Variants in ICA1 observed in about 807,000 individuals in gnomAD.
ICA1 encodes 69 kDa islet cell autoantigen.
In ICA1, 40 loss-of-function variants were observed where a neutral mutation model predicts 71.0. The observed-to-expected ratio is 0.56, with a 90% CI of 0.44 to 0.73. The LOEUF is 0.73. ICA1 is among the 30% of genes least tolerant of loss of function. ICA1 has a pLI of 0.00. For missense variants in ICA1, 578 were observed against 576.5 expected, an observed-to-expected ratio of 1.00 and a Z score of -0.03; for synonymous variants, 207 against 209.5, an observed-to-expected ratio of 0.99 and a Z score of 0.10.
intron 6 of ICA1, among the ~76,000 whole-genome samples, chr7:8,206,506 C>T (rs1583227715): frequency 6.6e-6 from 1 of 152,226 alleles, no homozygotes; most frequent in African/African-American, 2.4e-5. Context: ...TCTCCCTTTT[C>T]TTCTGTTCTT....
At chr7:8,126,307 T>A (rs1009237501) in intron 13 of ICA1, among the ~76,000 whole-genome samples, 12 of 152,160 alleles carry the variant, frequency 7.9e-5, no homozygotes, top group Admixed American at 7.9e-4. Context: ...TCTCAGGGCT[T>A]CTTAGCACCT....
At position 8,174,529 on chromosome 7, in the gene ICA1, C is replaced by T. The variant is rs202205862; in HGVS notation, c.580-15877G>A. 2.6e-5 allele frequency among the ~76,000 whole-genome samples: 4 copies of T among 151,884 alleles called. No individual in the cohort carries two copies. The East Asian group carries it at 7.7e-4, about 29-fold the overall frequency. On this transcript the variant is annotated intron_variant, in intron 6 of 13. Coordinates refer to ENST00000402384, the MANE Select transcript of ICA1 (RefSeq NM_001136020.3). ...AAAATGAAAGCTGGGCGTGGTGGTT[C>T]ACGCCTGTAATCCCAGCACTTTGGG...
At chr7:8,258,756 A>G (rs995090550) in intron 1 of ICA1, among the ~76,000 whole-genome samples, 2 of 152,222 alleles carry the variant, frequency 1.3e-5, no homozygotes, top group South Asian at 4.1e-4. Flanking sequence ...AACAAAAACT[A>G]TGTTAATTTG....
At chr7:8,207,582 T>A (rs1205134013) in intron 6 of ICA1, among the ~76,000 whole-genome samples, 1 of 152,250 alleles carries the variant, frequency 6.6e-6, no homozygotes, top group Non-Finnish European at 1.5e-5. Context: ...TTTAAGGTTT[T>A]CTTTTTATCA....
At chr7:8,145,237 T>C (rs1796475006) in intron 8 of ICA1, among the ~76,000 whole-genome samples, 1 of 152,160 alleles carries the variant, frequency 6.6e-6, no homozygotes, top group Admixed American at 6.5e-5. Context: ...AATATCAACC[T>C]CTCTGACCAA....
At chr7:8,230,274 C>G (rs1404468844) in intron 3 of ICA1, among the ~76,000 whole-genome samples, 6 of 152,222 alleles carry the variant, frequency 3.9e-5, no homozygotes, top group Non-Finnish European at 8.8e-5. Flanking sequence ...TCTATATTAA[C>G]TTTCCAACAG....
Position 8,218,399 on chromosome 7 carries a change from C to T in ICA1, c.485G>A (p.Cys162Tyr). 1.2e-6 allele frequency: 2 copies of T among 1,614,158 alleles called. No individual in the cohort carries two copies. The highest frequency in any genetic ancestry group is 1.7e-6 in the Non-Finnish European group (2 of 1,180,000). ...TWLTVNRMEQ[C>Y]RTEYRGALLW... ...TAGTGCTCCTCTATATTCCGTCCTG[C>T]ACTGTTCCATGCGGTTCACCGTCAG... Residue 162 changes from cysteine to tyrosine, a missense_variant, in exon 6 of 14, where the codon TGC becomes TAC. Cys to Tyr is a radical substitution (Grantham distance 194). Coordinates refer to ENST00000402384, the MANE Select transcript of ICA1 (RefSeq NM_001136020.3).
chr7:8,184,940 G>C (rs1287987201), intron 6 of ICA1, among the ~76,000 whole-genome samples: 1 of 152,116 alleles, frequency 6.6e-6, no homozygotes, highest in Non-Finnish European at 1.5e-5. Flanking sequence ...TAGGCTTGGT[G>C]GCGTGCGCCT....
At chr7:8,220,654 A>T (rs919131591) in intron 5 of ICA1, among the ~76,000 whole-genome samples, 1 of 122,838 alleles carries the variant, frequency 8.1e-6, no homozygotes, top group Admixed American at 9.2e-5. Flanking sequence ...GGTTGTGTTA[A>T]AAAAAAATGC....
At chr7:8,204,292 G>A (rs1435640329) in intron 6 of ICA1, among the ~76,000 whole-genome samples, 1 of 152,200 alleles carries the variant, frequency 6.6e-6, no homozygotes, top group East Asian at 1.9e-4. Flanking sequence ...AAGCCGAGAA[G>A]AGCACTGACT....
chr7:8,169,299 A>G (rs10085428), intron 6 of ICA1, among the ~76,000 whole-genome samples: 62,262 of 151,866 alleles, frequency 0.41, 17,343 homozygotes, highest in African/African-American at 0.8. Flanking sequence ...ATTTTTGGTG[A>G]TTTTGAGTAA....
rs1184992239 is a variant in ICA1 at position 8,221,382 on chromosome 7, T to C, written c.273A>G (p.Glu91=). Residue 91 remains glutamate, a synonymous_variant, in exon 5 of 14, where the codon GAA becomes GAG. Transcript: ENST00000402384. ...QKRICFLSQE[E]NELGKFLRSQ... is the part of the protein sequence containing the mutation. ...ATCGAAGAAATTTTCCCAGTTCGTT[T>C]TCTTCTTGAGACAAGACTGATGAAG... The C allele has an allele frequency of 1.2e-6, 2 of 1,613,576 alleles. No homozygotes were observed. The highest frequency in any genetic ancestry group is 1.7e-6 in the Non-Finnish European group (2 of 1,179,600).
chr7:8,120,899 A>G (rs973315943), intron 13 of ICA1, among the ~76,000 whole-genome samples: 3 of 152,128 alleles, frequency 2.0e-5, no homozygotes, highest in South Asian at 2.1e-4. Flanking sequence ...CGGGGCTGGG[A>G]GGGGATCACA....
intron 12 of ICA1, among the ~76,000 whole-genome samples, chr7:8,129,797 C>T (rs1300806040): frequency 6.6e-6 from 1 of 151,866 alleles, no homozygotes; most frequent in East Asian, 1.9e-4. Context: ...TGGTGTGTTG[C>T]ACCCATTAAC....
At chr7:8,206,019 G>A (rs921843000) in intron 6 of ICA1, among the ~76,000 whole-genome samples, 8 of 151,506 alleles carry the variant, frequency 5.3e-5, no homozygotes, top group Non-Finnish European at 1.2e-4. Flanking sequence ...CTCCCCCTTC[G>A]TTCTTTTTTG....
chr7:8,240,275 G>A (rs887927929), intron 1 of ICA1, among the ~76,000 whole-genome samples: 13 of 146,712 alleles, frequency 8.9e-5, no homozygotes, highest in African/African-American at 3.1e-4. Flanking sequence ...CAGGCAAACA[G>A]AGTCTGGAGT....
At chr7:8,159,769 C>T (rs1218744705) in intron 6 of ICA1, among the ~76,000 whole-genome samples, 1 of 152,066 alleles carries the variant, frequency 6.6e-6, no homozygotes, top group East Asian at 1.9e-4. Context: ...TAAAATTACA[C>T]CCTCCTTCAA....
At chr7:8,225,920 C>T (rs1464878698) in intron 4 of ICA1, among the ~76,000 whole-genome samples, 1 of 152,162 alleles carries the variant, frequency 6.6e-6, no homozygotes, top group Non-Finnish European at 1.5e-5. Context: ...AACAAATTTA[C>T]CAATGAGAGT....
chr7:8,247,720 A>G (rs1806580356), intron 1 of ICA1, among the ~76,000 whole-genome samples: 2 of 152,190 alleles, frequency 1.3e-5, no homozygotes, highest in African/African-American at 4.8e-5. Context: ...ATTCCACATA[A>G]GCTGGCTTCC....
Sources: gnomAD v4.1 joint callset for allele counts (sites outside exome capture counted in the v4.1 genomes callset) on GRCh38, gnomAD v4.1.1 for gene constraint, MANE v1.5 for transcripts, NCBI Gene and HGNC (gene_info 2026-07-23, HGNC 2026-07-21) for gene names.